The following PRP4K variants were observed in gnomAD, a reference collection of about 807,000 sequenced individuals.
PRP4K encodes pre-mRNA processing factor kinase PRP4K, also known as serine/threonine-protein kinase PRP4 homolog.
chr6:4,024,685 C>G, the PRP4K span, among the ~76,000 whole-genome samples: 1 of 152,148 alleles, frequency 6.6e-6, no homozygotes, highest in Non-Finnish European at 1.5e-5. Context: ...TCACTGCAAC[C>G]TCTGCGTCCC....
At chr6:4,031,497 T>G in the PRP4K span, 2 of 1,262,878 alleles carry the variant, frequency 1.6e-6, no homozygotes, top group South Asian at 3.3e-5. Context: ...TGTTATTTTC[T>G]TATGGCTCTT....
At chr6:4,041,172 C>G in the PRP4K span, among the ~76,000 whole-genome samples, 1 of 152,092 alleles carries the variant, frequency 6.6e-6, no homozygotes, top group African/African-American at 2.4e-5. Flanking sequence ...TATTGTGAGC[C>G]TACCCTTTGT....
chr6:4,054,634 G>C, the PRP4K span, among the ~76,000 whole-genome samples: 2 of 152,144 alleles, frequency 1.3e-5, no homozygotes, highest in African/African-American at 4.8e-5. Context: ...AGCCTCCCGA[G>C]TAACTGGGAT....
At chr6:4,021,798 T>C in the PRP4K span, among the ~76,000 whole-genome samples, 1 of 152,128 alleles carries the variant, frequency 6.6e-6, no homozygotes, top group Non-Finnish European at 1.5e-5. Flanking sequence ...TGGGGACCCA[T>C]CTGAGCTCCC....
chr6:4,045,872 T>G, the PRP4K span, among the ~76,000 whole-genome samples: 2 of 152,210 alleles, frequency 1.3e-5, no homozygotes, highest in East Asian at 3.8e-4. Flanking sequence ...TTGCTTTTGT[T>G]TTTTAGGAAT....
the PRP4K span, chr6:4,037,257 A>G: frequency 2.7e-6 from 2 of 732,062 alleles, no homozygotes; most frequent in East Asian, 3.0e-5. Flanking sequence ...TCACCTGAGT[A>G]AGTTTTGTTA....
chr6:4,031,521 A>C, the PRP4K span: 1 of 1,361,720 alleles, frequency 7.3e-7, no homozygotes. Flanking sequence ...ATACTTGATA[A>C]ATGATATGAT....
chr6:4,057,018 C>G, the PRP4K span: 1 of 1,534,834 alleles, frequency 6.5e-7, no homozygotes, highest in Non-Finnish European at 8.8e-7. Flanking sequence ...TATATTAAAA[C>G]TTTGATTTTG....
the PRP4K span, among the ~76,000 whole-genome samples, chr6:4,046,620 G>A: frequency 3.3e-5 from 5 of 151,348 alleles, no homozygotes; most frequent in South Asian, 1.0e-3. Flanking sequence ...GCTTATTCAT[G>A]TAAACTAAGA....
At chr6:4,035,784 A>G in the PRP4K span, among the ~76,000 whole-genome samples, 1 of 152,254 alleles carries the variant, frequency 6.6e-6, no homozygotes, top group African/African-American at 2.4e-5. Context: ...CTTGACCGAC[A>G]TGGAGAAATC....
At chr6:4,064,431 A>T in the PRP4K span, 8 of 152,602 alleles carry the variant, frequency 5.2e-5, no homozygotes, top group African/African-American at 1.9e-4. Context: ...AATCTCTGAG[A>T]TGAAACAAAG....
chr6:4,054,515 G>T, the PRP4K span, among the ~76,000 whole-genome samples: 7 of 152,036 alleles, frequency 4.6e-5, no homozygotes, highest in Non-Finnish European at 7.4e-5. Context: ...TTTTACCTCA[G>T]TTTTTTTTAT....
chr6:4,058,692 A>G, the PRP4K span: 1 of 1,496,928 alleles, frequency 6.7e-7, no homozygotes, highest in Non-Finnish European at 9.3e-7. Flanking sequence ...CTGTTTCATA[A>G]TAGTTCAAAA....
the PRP4K span, among the ~76,000 whole-genome samples, chr6:4,046,741 T>C: frequency 6.6e-6 from 1 of 151,426 alleles, no homozygotes; most frequent in Non-Finnish European, 1.5e-5. Context: ...CACTGCTACC[T>C]CCCTCTCCCA....
the PRP4K span, among the ~76,000 whole-genome samples, chr6:4,022,653 C>T: frequency 6.6e-6 from 1 of 152,056 alleles, no homozygotes; most frequent in Non-Finnish European, 1.5e-5. Flanking sequence ...CTCAGCTAGG[C>T]AGAGAAACGG....
At chr6:4,040,710 T>TG in the PRP4K span, 1 of 1,524,638 alleles carries the variant, frequency 6.6e-7, no homozygotes, top group Non-Finnish European at 9.0e-7. Context: ...TGCCCACACA[T>TG]GCATGCCTTT....
At chr6:4,044,865 T>TTTA in the PRP4K span, among the ~76,000 whole-genome samples, 435 of 131,688 alleles carry the variant, frequency 3.3e-3, 3 homozygotes, top group Non-Finnish European at 4.3e-3. Context: ...TTATTATTAT[T>TTTA]TTTTTTTTTT....
the PRP4K span, chr6:4,049,632 T>G: frequency 8.3e-7 from 1 of 1,202,618 alleles, no homozygotes; most frequent in Non-Finnish European, 1.2e-6. Context: ...AACCAAATAG[T>G]AGAGATTTAA....
chr6:4,021,422 C>T, the PRP4K span: 1 of 1,582,748 alleles, frequency 6.3e-7, no homozygotes, highest in South Asian at 1.2e-5. Context: ...TCAGGAAGTT[C>T]AAGATGGCCG....
Sources: allele counts gnomAD v4.1 joint callset (sites outside exome capture counted in the v4.1 genomes callset), GRCh38; gene constraint gnomAD v4.1.1; transcripts MANE v1.5; gene names NCBI Gene and HGNC (gene_info 2026-07-23, HGNC 2026-07-21).